HERC2: variants seen among roughly 807,000 people sequenced by gnomAD.
The protein encoded by HERC2 is E3 ubiquitin-protein ligase HERC2.
Under a neutral mutation model 537.7 loss-of-function variants are expected in HERC2, and 102 were observed. The ratio of observed to expected loss-of-function variants is 0.19; its 90% confidence interval spans 0.16 to 0.22. The LOEUF (loss-of-function observed/expected upper bound fraction) is 0.22, where lower values mean the gene tolerates loss of function less well. HERC2 is among the 10% of genes least tolerant of loss of function. The probability of loss-of-function intolerance (pLI) is 1.00; values close to 1 mark genes in which losing one functional copy is unlikely to be tolerated. For synonymous variants in HERC2, 2,224 were observed against 2,466.2 expected (o/e 0.90, Z 2.91); for missense variants, 4,236 against 6,198.2 (o/e 0.68, Z 10.63).
intron 69 of HERC2, 115 bp downstream of exon 69, chr15:28,162,979 A>C (rs1217611231): frequency 1.2e-6 from 1 of 863,386 alleles, no homozygotes; most frequent in Non-Finnish European, 1.8e-6. Context: ...GCAGTCTACT[A>C]GGATGAAACC....
At position 28,135,483 on chromosome 15, in the gene HERC2, G is replaced by C. The variant is rs1390479912; in HGVS notation, c.12225C>G (p.Asn4075Lys). Residue 4075 changes from asparagine (N) to lysine (K), a missense_variant, in exon 79 of 93, where the codon AAC becomes AAG. Asn to Lys is a moderately conservative substitution (Grantham distance 94, BLOSUM62 0). Coordinates refer to ENST00000261609, the MANE Select transcript of HERC2 (RefSeq NM_004667.6). ...ATAATTTTTTCACATCATACCTTCTGTTGCCATGCCCCAACTTCCCATCTT... is the reference window on the plus strand; with the variant it reads ...ATAATTTTTTCACATCATACCTTCTCTTGCCATGCCCCAACTTCCCATCTT... The part of the protein sequence containing the change: ...EAEDGKLGHG[N>K]RSPCDRPRVI... 5.0e-6 allele frequency: 8 copies of C among 1,612,306 alleles called. No homozygotes were observed. Among genetic ancestry groups the C allele is most frequent in the Non-Finnish European group, 6.8e-6 (8 of 1,178,498 alleles).
chr15:28,255,732 T>C (rs1395440999), intron 19 of HERC2, 140 bp downstream of exon 19: 3 of 929,402 alleles, frequency 3.2e-6, no homozygotes, highest in Non-Finnish European at 4.7e-6. Flanking sequence ...AATTGGCACA[T>C]AAAAGAATTT....
At chr15:28,169,709 T>A in intron 65 of HERC2, 54 bp from the exon 66 acceptor site, 6 of 1,546,620 alleles carry the variant, frequency 3.9e-6, no homozygotes, top group Non-Finnish European at 5.3e-6. Flanking sequence ...TTTGATCTAT[T>A]TCTATAAAAT....
At chr15:28,266,024 T>A in intron 12 of HERC2, 50 bp from the exon 13 acceptor site, 2 of 1,591,230 alleles carry the variant, frequency 1.3e-6, no homozygotes, top group Non-Finnish European at 1.7e-6. Flanking sequence ...TGGTGTTATT[T>A]CTTATTAATG....
intron 7 of HERC2, among the ~76,000 whole-genome samples, chr15:28,273,486 AT>A (rs1392363718): frequency 6.6e-6 from 1 of 152,214 alleles, no homozygotes; most frequent in Non-Finnish European, 1.5e-5. Context: ...TCAATAATAA[AT>A]TTTCTAAAAT....
intron 38 of HERC2, among the ~76,000 whole-genome samples, chr15:28,216,107 C>T (rs1899873442): frequency 6.6e-6 from 1 of 152,118 alleles, no homozygotes; most frequent in East Asian, 1.9e-4. Flanking sequence ...TGCCAAATAG[C>T]TGGGACTACG....
At chr15:28,155,544 G>T (rs1447283771) in intron 69 of HERC2, among the ~76,000 whole-genome samples, 2 of 151,604 alleles carry the variant, frequency 1.3e-5, no homozygotes, top group South Asian at 2.1e-4. Context: ...TCATGTGTCT[G>T]GTGGCTGCAT....
Position 28,202,484 on chromosome 15 carries a change from A to C in HERC2, c.7343T>G (p.Val2448Gly). 6.9e-7 allele frequency: 1 copy of C among 1,442,046 alleles called. No individual in the cohort carries two copies. Among genetic ancestry groups the C allele is most frequent in the Non-Finnish European group, 9.6e-7 (1 of 1,040,800 alleles). 89.3% of individuals were successfully genotyped at this position (1,442,046 alleles called of 1,614,324 possible). ...VAVQHIRPAR[V>G]KRRKQSPVPA... ...AACGGGCGACTGCTTGCGCCTCTTC[A>C]CTCTGGCAGGGCGGATGTGCTGCAC... Residue 2448 changes from valine (V) to glycine (G), a missense_variant, in exon 46 of 93, where the codon GTG (valine) becomes GGG (glycine). Val to Gly is a moderately radical substitution (Grantham distance 109). Coordinates refer to ENST00000261609, the MANE Select transcript of HERC2 (RefSeq NM_004667.6).
At chr15:28,143,080 C>G (rs979688112) in intron 74 of HERC2, 128 bp from the exon 75 acceptor site, 1 of 813,654 alleles carries the variant, frequency 1.2e-6, no homozygotes. Context: ...AAAAAAAAAG[C>G]TTATCAAAAT....
chr15:28,139,102 G>A (rs540726003), intron 78 of HERC2, among the ~76,000 whole-genome samples: 1 of 152,366 alleles, frequency 6.6e-6, no homozygotes, highest in Admixed American at 6.5e-5. Flanking sequence ...AGAAATTTGT[G>A]TGACATGCTT....
At chr15:28,196,761 A>C (rs1460930381) in intron 50 of HERC2, among the ~76,000 whole-genome samples, 192 bp from the exon 51 acceptor site, 1 of 152,250 alleles carries the variant, frequency 6.6e-6, no homozygotes, top group African/African-American at 2.4e-5. Flanking sequence ...TTTCAAAATA[A>C]TCACAAGAAG....
chr15:28,214,232 C>T lies in HERC2; in HGVS notation c.6399G>A (p.Ser2133=), dbSNP rs554508398. The change falls in exon 41 of 93, where the codon TCG becomes TCA. Residue 2133 remains serine (S), a synonymous_variant. Transcript: ENST00000261609. ...LRRRRVRPQA[S]LTATHSSTLA... is the part of the protein sequence containing the mutation. Reference sequence around the variant, plus strand: ...GTGTGCTGCTGTGGGTGGCAGTCAGCGAGGCCTGCGGGCGCACCCTGCGCC... The same window carrying T: ...GTGTGCTGCTGTGGGTGGCAGTCAGTGAGGCCTGCGGGCGCACCCTGCGCC... 94 of 1,611,976 alleles carry T rather than the reference C, an allele frequency of 5.8e-5. No homozygotes were observed. The South Asian group carries it at 7.4e-4, about 13-fold the overall frequency.
At chr15:28,266,577 C>G (rs763001601) in intron 12 of HERC2, among the ~76,000 whole-genome samples, 1 of 152,108 alleles carries the variant, frequency 6.6e-6, no homozygotes, top group Non-Finnish European at 1.5e-5. Context: ...AAACCATGGT[C>G]CATCTGCAAC....
rs191168370 is a variant in HERC2 at position 28,279,648 on chromosome 15, C to T, written c.542+420G>A. Among the ~76,000 whole-genome samples, 236 of 151,310 alleles carry T rather than the reference C, an allele frequency of 1.6e-3. 2 individuals carry two copies. Among genetic ancestry groups the T allele is most frequent in the African/African-American group, 5.5e-3 (226 of 40,962 alleles). ...ACACACACACACACACACACACACA[C>T]ACAAATTGTTTTTATTTAGCCAGGC... On this transcript the variant is annotated intron_variant, in intron 5 of 92. Coordinates refer to ENST00000261609, the MANE Select transcript of HERC2 (RefSeq NM_004667.6).
chr15:28,229,420 T>A, intron 33 of HERC2, 40 bp downstream of exon 33: 1 of 1,613,706 alleles, frequency 6.2e-7, no homozygotes. Flanking sequence ...TTTGTTGCCA[T>A]AGCTACCTTA....
intron 55 of HERC2, chr15:28,190,525 AT>A (rs1896762971): frequency 6.0e-6 from 1 of 167,900 alleles, no homozygotes; most frequent in Non-Finnish European, 1.3e-5. Flanking sequence ...AAGCTGCCTT[AT>A]TAACCAAAAA....
intron 2 of HERC2, among the ~76,000 whole-genome samples, chr15:28,302,656 A>G (rs1256090540): frequency 2.5e-5 from 3 of 117,848 alleles, no homozygotes; most frequent in Admixed American, 9.8e-5. Context: ...TTTTCTCTAT[A>G]TTCTTGCCAG....
In HERC2 at chr15:28,321,755, C is replaced by G. The variant is rs1316233514; in HGVS notation, c.-31-291G>C. Among the ~76,000 whole-genome samples, 5 of 135,458 alleles carry G rather than the reference C, an allele frequency of 3.7e-5. 2 individuals are homozygous for G. Among genetic ancestry groups the G allele is most frequent in the African/African-American group, 1.7e-4 (5 of 29,976 alleles). The allele number at this position is 135,458 out of a possible 152,430, so 88.9% of individuals were successfully genotyped here. On this transcript the variant is annotated intron_variant, in intron 1 of 92. Coordinates refer to ENST00000261609, the MANE Select transcript of HERC2 (RefSeq NM_004667.6). ...GCCAAGTCACAATGTCATCCCCCTGCCCTCAAATCCAAGAAGTACACACAC... is the reference window on the plus strand; with the variant it reads ...GCCAAGTCACAATGTCATCCCCCTGGCCTCAAATCCAAGAAGTACACACAC...
chr15:28,238,836 C>G (rs1022340357), intron 23 of HERC2, 64 bp from the exon 24 acceptor site: 52 of 1,205,458 alleles, frequency 4.3e-5, no homozygotes, highest in Non-Finnish European at 6.2e-5. Flanking sequence ...AAAGAACAAA[C>G]TGTGTGAAAG....
Sources: gnomAD v4.1 joint callset for allele counts (sites outside exome capture counted in the v4.1 genomes callset) on GRCh38, gnomAD v4.1.1 for gene constraint, MANE v1.5 for transcripts, NCBI Gene and HGNC (gene_info 2026-07-23, HGNC 2026-07-21) for gene names.